Variants in ZNF680 observed in about 807,000 individuals in gnomAD.
ZNF680 encodes zinc finger protein 680, also known as hypothetical protein FLJ90430.
Under a neutral mutation model 12.1 loss-of-function variants are expected in ZNF680, and 6 were observed. That is an observed-to-expected ratio of 0.49 (90% CI 0.27 to 0.98). The LOEUF is 0.98. ZNF680 is among the 50% of genes least tolerant of loss of function. The pLI is 0.12. For missense variants in ZNF680, 561 were observed against 616.3 expected, an observed-to-expected ratio of 0.91 and a Z score of 0.95; for synonymous variants, 170 against 199.3, an observed-to-expected ratio of 0.85 and a Z score of 1.24.
intron 3 of ZNF680, among the ~76,000 whole-genome samples, chr7:64,529,091 G>A (rs926616067): frequency 1.3e-5 from 2 of 152,050 alleles, no homozygotes; most frequent in South Asian, 2.1e-4. Flanking sequence ...AATACAGCTC[G>A]GCTCTCAGGA....
chr7:64,514,861 T>C, the ZNF680 span, among the ~76,000 whole-genome samples: 1 of 152,194 alleles, frequency 6.6e-6, no homozygotes, highest in Non-Finnish European at 1.5e-5. Flanking sequence ...CTGACCAACA[T>C]GGAGAAACCC....
chr7:64,511,194 C>T, the ZNF680 span, among the ~76,000 whole-genome samples: 2 of 151,862 alleles, frequency 1.3e-5, no homozygotes, highest in Admixed American at 6.6e-5. Flanking sequence ...TGCTGAAACG[C>T]AGGAGGCAGA....
chr7:64,561,934 C>CAAAAAAAAAAAAA (rs1187872173), intron 1 of ZNF680, among the ~76,000 whole-genome samples: 3 of 80,318 alleles, frequency 3.7e-5, no homozygotes, highest in Non-Finnish European at 8.0e-5. Flanking sequence ...GACTCCGTCT[C>CAAAAAAAAAAAAA]AAAAAAAAAA....
chr7:64,555,890 C>T (rs572260935), intron 1 of ZNF680, among the ~76,000 whole-genome samples: 1 of 151,950 alleles, frequency 6.6e-6, no homozygotes, highest in East Asian at 1.9e-4. Flanking sequence ...TGCACATGAA[C>T]TAGAAAATCT....
downstream of ZNF680, among the ~76,000 whole-genome samples, chr7:64,515,040 T>TCA (rs60936039): frequency 0.037 from 5,524 of 149,108 alleles, 91 homozygotes; most frequent in Middle Eastern, 0.055. Context: ...CAAAACTCTG[T>TCA]CACACACACA....
At chr7:64,502,396 C>T in the ZNF680 span, among the ~76,000 whole-genome samples, 1 of 152,002 alleles carries the variant, frequency 6.6e-6, no homozygotes, top group Non-Finnish European at 1.5e-5. Context: ...TCAGTAGTCG[C>T]CTCCCTAACT....
At chr7:64,513,687 C>T in the ZNF680 span, among the ~76,000 whole-genome samples, 1 of 151,948 alleles carries the variant, frequency 6.6e-6, no homozygotes, top group Non-Finnish European at 1.5e-5. Flanking sequence ...GCTCTGTCAC[C>T]CAGGCTGGAG....
At chr7:64,552,848 A>G (rs560818384) in intron 1 of ZNF680, among the ~76,000 whole-genome samples, 1 of 152,318 alleles carries the variant, frequency 6.6e-6, no homozygotes, top group Admixed American at 6.5e-5. Flanking sequence ...AATGTTGACC[A>G]GGCACGGTGG....
At chr7:64,512,665 TAAA>T in the ZNF680 span, among the ~76,000 whole-genome samples, 1 of 152,020 alleles carries the variant, frequency 6.6e-6, no homozygotes, top group Non-Finnish European at 1.5e-5. Flanking sequence ...GCCCTGTAAA[TAAA>T]AACTGTATTT....
chr7:64,504,662 G>A, the ZNF680 span, among the ~76,000 whole-genome samples: 7 of 152,262 alleles, frequency 4.6e-5, no homozygotes, highest in South Asian at 1.5e-3. Flanking sequence ...TATTCACCCT[G>A]AGTCACTCAG....
intron 1 of ZNF680, among the ~76,000 whole-genome samples, chr7:64,553,986 C>T (rs2116536888): frequency 6.6e-6 from 1 of 152,278 alleles, no homozygotes; most frequent in Middle Eastern, 3.4e-3. Context: ...GCCGAGATTG[C>T]AGCCTCTGCC....
chr7:64,559,237 A>G (rs1477542934), intron 1 of ZNF680, among the ~76,000 whole-genome samples: 1 of 152,160 alleles, frequency 6.6e-6, no homozygotes, highest in African/African-American at 2.4e-5. Context: ...CAGGGTCCCA[A>G]GAGTTTATTT....
At chr7:64,545,981 T>A (rs969117155) in intron 1 of ZNF680, among the ~76,000 whole-genome samples, 6 of 152,194 alleles carry the variant, frequency 3.9e-5, no homozygotes. Context: ...GAATTCTGCA[T>A]GGCACATAAG....
chr7:64,553,997 C>T (rs1282700936), intron 1 of ZNF680, among the ~76,000 whole-genome samples: 3 of 151,984 alleles, frequency 2.0e-5, no homozygotes. Flanking sequence ...AGCCTCTGCC[C>T]GGCCGCCACC....
At chr7:64,559,576 G>C (rs1383474260) in intron 1 of ZNF680, among the ~76,000 whole-genome samples, 1 of 152,024 alleles carries the variant, frequency 6.6e-6, no homozygotes, top group Non-Finnish European at 1.5e-5. Flanking sequence ...TACCTCCTGG[G>C]TTCAAGCAAT....
intron 1 of ZNF680, chr7:64,551,634 G>C (rs1253588102): frequency 6.5e-6 from 1 of 152,898 alleles, no homozygotes; most frequent in Non-Finnish European, 1.5e-5. Flanking sequence ...CATTCTGCTG[G>C]ATTTCCAGCA....
chr7:64,550,540 C>A (rs940060972), intron 1 of ZNF680, among the ~76,000 whole-genome samples: 3 of 152,132 alleles, frequency 2.0e-5, no homozygotes, highest in Non-Finnish European at 2.9e-5. Context: ...GACATTTTAG[C>A]AACACGAGGA....
intron 1 of ZNF680, among the ~76,000 whole-genome samples, 159 bp from the exon 2 acceptor site, chr7:64,544,591 T>C (rs188353635): frequency 6.6e-6 from 1 of 152,258 alleles, no homozygotes; most frequent in East Asian, 1.9e-4. Flanking sequence ...TAAAATAAAT[T>C]TCAATGCAGA....
intron 3 of ZNF680, among the ~76,000 whole-genome samples, chr7:64,530,989 A>G (rs1313717671): frequency 6.6e-6 from 1 of 152,000 alleles, no homozygotes; most frequent in Non-Finnish European, 1.5e-5. Flanking sequence ...AATTTATAAA[A>G]CAATTACTAA....
Sources: gnomAD v4.1 joint callset for allele counts (sites outside exome capture counted in the v4.1 genomes callset) on GRCh38, gnomAD v4.1.1 for gene constraint, MANE v1.5 for transcripts, NCBI Gene and HGNC (gene_info 2026-07-23, HGNC 2026-07-21) for gene names.